TRIM38: variants seen among roughly 807,000 people sequenced by gnomAD.
TRIM38 encodes tripartite motif containing 38.
A neutral mutation model predicts 35.8 loss-of-function variants in TRIM38; 35 were observed. The ratio of observed to expected loss-of-function variants is 0.98; its 90% CI spans 0.75 to 1.30. The LOEUF is 1.30. Ranked by LOEUF, TRIM38 falls within the 50% of genes most tolerant of loss-of-function variation. The pLI, the probability that TRIM38 is intolerant of heterozygous loss-of-function variation, is 0.00. For synonymous variants in TRIM38, 198 were observed against 204.7 expected, an observed-to-expected ratio of 0.97 and a Z score of 0.28; for missense variants, 545 against 556.9, an observed-to-expected ratio of 0.98 and a Z score of 0.21.
At chr6:25,964,696 C>T (rs1581594791) in intron 2 of TRIM38, among the ~76,000 whole-genome samples, 1 of 152,018 alleles carries the variant, frequency 6.6e-6, no homozygotes, top group Non-Finnish European at 1.5e-5. Flanking sequence ...ACTCATTATA[C>T]CAGGGAGTCA....
chr6:25,974,866 CA>C (rs1760343620), intron 7 of TRIM38: 2 of 985,048 alleles, frequency 2.0e-6, no homozygotes. Context: ...CAAACAACAA[CA>C]AAACCCAAAA....
intron 7 of TRIM38, among the ~76,000 whole-genome samples, chr6:25,982,217 G>T (rs1760564921): frequency 6.6e-6 from 1 of 152,162 alleles, no homozygotes; most frequent in Non-Finnish European, 1.5e-5. Flanking sequence ...GCACAGACTT[G>T]TTGGTTCCTT....
intron 7 of TRIM38, among the ~76,000 whole-genome samples, chr6:25,976,118 G>A (rs1000386608): frequency 3.9e-5 from 6 of 152,132 alleles, no homozygotes; most frequent in Admixed American, 1.3e-4. Context: ...TCTATATGGG[G>A]CATTTTTGCT....
Position 25,971,943 on chromosome 6 carries a change from G to A in TRIM38, c.582G>A (p.Glu194=), listed in dbSNP as rs764999606. The A allele has an allele frequency of 1.2e-6, 2 of 1,614,164 alleles. No individual in the cohort carries two copies. The highest frequency in any genetic ancestry group is 1.7e-6 in the Non-Finnish European group (2 of 1,180,012). The change falls in exon 5 of 8, where the codon GAG becomes GAA. Residue 194 remains glutamate (E), a synonymous_variant. Coordinates refer to ENST00000357085, the MANE Select transcript of TRIM38 (RefSeq NM_006355.5). ...TCCAGTGTTTCCTACATGAGGAAGA[G>A]AAGTCTTATCTCTGGAGGCTGGAGA... The part of the protein sequence containing the change: ...KNLQCFLHEE[E]KSYLWRLEKE...
At chr6:25,979,378 T>G (rs1324207603) in intron 7 of TRIM38, among the ~76,000 whole-genome samples, 1 of 152,124 alleles carries the variant, frequency 6.6e-6, no homozygotes, top group Non-Finnish European at 1.5e-5. Flanking sequence ...TCGGTAAAAT[T>G]TAAAGTAGTG....
chr6:25,969,248 A>T (rs1031961681), intron 3 of TRIM38, 77 bp from the exon 4 acceptor site: 2 of 1,044,832 alleles, frequency 1.9e-6, no homozygotes, highest in Non-Finnish European at 2.9e-6. Context: ...AATATATCTT[A>T]GAAGATTGGG....
At chr6:25,982,591 G>A (rs1278030853) in intron 7 of TRIM38, among the ~76,000 whole-genome samples, 1 of 152,140 alleles carries the variant, frequency 6.6e-6, no homozygotes, top group Non-Finnish European at 1.5e-5. Flanking sequence ...CACTTATTAG[G>A]TGGTTACCAT....
intron 2 of TRIM38, among the ~76,000 whole-genome samples, chr6:25,964,181 TG>T (rs1759946028): frequency 6.6e-6 from 1 of 152,166 alleles, no homozygotes; most frequent in East Asian, 1.9e-4. Context: ...CCTCTGCCAA[TG>T]GGGGTAGATA....
chr6:25,979,355 G>A (rs1046654322), intron 7 of TRIM38, among the ~76,000 whole-genome samples: 1 of 151,830 alleles, frequency 6.6e-6, no homozygotes, highest in Non-Finnish European at 1.5e-5. Context: ...AAAGATGCAC[G>A]TTTTATTATC....
In TRIM38 at chr6:25,989,507, A is replaced by ATTTT. The variant is rs1254792103; in HGVS notation, c.*5822_*5823insTTTT. On this transcript the variant is annotated 3_prime_UTR_variant, in exon 8 of 8. Coordinates refer to ENST00000357085, the MANE Select transcript of TRIM38 (RefSeq NM_006355.5). ...TTTGCTATTGTTAGCAAGGTCTTGT[A>ATTTT]TTCTTTTTTTTTTTTTTTTTTTTTT... 1.5e-4 allele frequency: 17 copies of ATTTT among 109,936 alleles called. No homozygotes were observed. In the East Asian group the frequency reaches 1.8e-3, roughly 11 times the overall value. 6.8% of individuals were successfully genotyped at this position (109,936 alleles called of 1,614,324 possible).
chr6:25,983,086 CAAAATAAAAT>C, intron 7 of TRIM38, 68 bp from the exon 8 acceptor site: 2 of 1,434,366 alleles, frequency 1.4e-6, no homozygotes, highest in Non-Finnish European at 1.9e-6. Context: ...CACTCCATCT[CAAAATAAAAT>C]AAAATAAAAT....
At chr6:25,962,882 G>C (rs1237825729) in intron 1 of TRIM38, 27 bp downstream of exon 1, 1 of 152,386 alleles carries the variant, frequency 6.6e-6, no homozygotes, top group Non-Finnish European at 1.5e-5. Context: ...TGAAGGTTAC[G>C]GAAAAGGTCC....
chr6:25,966,939 T>C lies in TRIM38; in HGVS notation c.411+6T>C, dbSNP rs768562441. 3.3e-5 allele frequency: 52 copies of C among 1,593,474 alleles called. No homozygotes were observed. Among genetic ancestry groups the C allele is most frequent in the Non-Finnish European group, 4.2e-5 (49 of 1,165,798 alleles). ...ACGTATGCCAGGGCTACAAGGTGAG[T>C]GTGTGGGCCCGGGAGCTTTGGTAAG... On this transcript the variant is annotated splice_donor_region_variant and intron_variant, in intron 3 of 7. Transcript: ENST00000357085.
chr6:25,977,389 G>A (rs942875909), intron 7 of TRIM38, among the ~76,000 whole-genome samples: 2 of 152,192 alleles, frequency 1.3e-5, no homozygotes, highest in Non-Finnish European at 2.9e-5. Context: ...AAAGGAGGAG[G>A]CCGGGTACAG....
rs988198817 is a variant in TRIM38 at position 25,989,205 on chromosome 6, C to G, written c.*5518C>G. 6.6e-6 allele frequency: 1 copy of G among 152,174 alleles called. No homozygotes were observed. The highest frequency in any genetic ancestry group is 2.4e-5 in the African/African-American group (1 of 41,442). The allele number at this position is 152,174 out of a possible 1,614,324, so 9.4% of individuals were successfully genotyped here. On this transcript the variant is annotated 3_prime_UTR_variant, in exon 8 of 8. Transcript: ENST00000357085. ...GCATCTGTGTATCTTCTTTGGTGAA[C>G]AGATGTTCAGGTCATTGGCCTGCTT...
At chr6:25,971,414 T>TTG (rs138576201) in intron 4 of TRIM38, among the ~76,000 whole-genome samples, 20 of 151,594 alleles carry the variant, frequency 1.3e-4, no homozygotes, top group East Asian at 3.9e-4. Flanking sequence ...CAGTGGCTGA[T>TTG]TGTGTGTGTG....
At chr6:25,969,609 C>G (rs1276750374) in intron 4 of TRIM38, among the ~76,000 whole-genome samples, 189 bp downstream of exon 4, 1 of 152,196 alleles carries the variant, frequency 6.6e-6, no homozygotes, top group Non-Finnish European at 1.5e-5. Flanking sequence ...GTATTTAGCA[C>G]CAATCTTTCC....
rs1004084397 is a variant in TRIM38 at position 25,985,851 on chromosome 6, C to T, written c.*2164C>T. 1 of 152,058 alleles carries T rather than the reference C, an allele frequency of 6.6e-6. No individual in the cohort carries two copies. The highest frequency in any genetic ancestry group is 6.6e-5 in the Admixed American group (1 of 15,254). 9.4% of individuals were successfully genotyped at this position (152,058 alleles called of 1,614,324 possible). A position where few individuals can be genotyped will look rare whatever the true frequency, so the allele number is the denominator to read the frequency against. On this transcript the variant is annotated 3_prime_UTR_variant, in exon 8 of 8. Transcript: ENST00000357085. The stretch of plus-strand genomic sequence containing the variant: ...TAGCATATGCTGCTTAGAGGAAATT[C>T]TATATCCCTAAGCACTTAGATTGCT...
intron 4 of TRIM38, among the ~76,000 whole-genome samples, chr6:25,970,916 T>C (rs1004852090): frequency 6.6e-6 from 1 of 152,154 alleles, no homozygotes; most frequent in African/African-American, 2.4e-5. Context: ...AGAGTTTCAC[T>C]TGATTTCTGT....
Sources: gnomAD v4.1 joint callset for allele counts (sites outside exome capture counted in the v4.1 genomes callset) on GRCh38, gnomAD v4.1.1 for gene constraint, MANE v1.5 for transcripts, NCBI Gene and HGNC (gene_info 2026-07-23, HGNC 2026-07-21) for gene names.